Variants in HOXA10 observed in about 807,000 individuals in gnomAD.
HOXA10 encodes homeobox A10, also known as homeobox protein Hox-A10.
Under a neutral mutation model 29.7 loss-of-function variants are expected in HOXA10, and 12 were observed. The observed-to-expected ratio is 0.40, with a 90% CI of 0.26 to 0.65. The LOEUF (loss-of-function observed/expected upper bound fraction) is 0.65. Among genes scored for constraint, HOXA10 ranks in the 30% least tolerant of loss-of-function variants. The probability of loss-of-function intolerance (pLI) is 0.37; values close to 1 mark genes in which losing one functional copy is unlikely to be tolerated. For synonymous variants in HOXA10, 327 were observed against 280.7 expected, an observed-to-expected ratio of 1.16 and a Z score of -1.65; for missense variants, 656 against 585.9, an observed-to-expected ratio of 1.12 and a Z score of -1.24.
upstream of HOXA10, among the ~76,000 whole-genome samples, chr7:27,178,709 C>T (rs1396449157): frequency 6.6e-6 from 1 of 152,206 alleles, no homozygotes; most frequent in African/African-American, 2.4e-5. Flanking sequence ...ACGCAACAAA[C>T]AGGCAGTGCC....
At chr7:27,176,000 C>T (rs1783649511), upstream of HOXA10, among the ~76,000 whole-genome samples, 1 of 152,222 alleles carries the variant, frequency 6.6e-6, no homozygotes, top group African/African-American at 2.4e-5. Context: ...TCGCTGCGGG[C>T]AGTGGCTGCT....
At chr7:27,172,280 CAGAGA>C (rs1215159515) in intron 1 of HOXA10, 107 bp from the exon 2 acceptor site, 4 of 1,197,598 alleles carry the variant, frequency 3.3e-6, no homozygotes, top group African/African-American at 3.0e-5. Context: ...TCCCAAGTCA[CAGAGA>C]AGAGAGTCGT....
exon 1 of HOXA10, chr7:27,179,722 G>A: frequency 1.3e-6 from 1 of 758,392 alleles, no homozygotes; most frequent in Non-Finnish European, 2.5e-6. Flanking sequence ...CCTAGCGAAT[G>A]CGCGTTGCTT....
upstream of HOXA10, chr7:27,174,361 C>A (rs1180213906): frequency 3.2e-6 from 5 of 1,585,002 alleles, no homozygotes; most frequent in South Asian, 1.1e-5. Flanking sequence ...CCGCGGCGGG[C>A]GCCCGCAGCC....
upstream of HOXA10, among the ~76,000 whole-genome samples, chr7:27,178,105 C>A (rs534647665): frequency 2.6e-5 from 4 of 152,164 alleles, no homozygotes; most frequent in Non-Finnish European, 4.4e-5. Context: ...GTCCTGAGAT[C>A]GAAACTGCTA....
Position 27,174,216 on chromosome 7 carries a change from C to G in HOXA10, c.91G>C (p.Val31Leu). ...SESPAANSFL[V>L]DSLISSGRGE... ...CTGCCCGAGCTGATGAGCGAGTCGA[C>G]CAAAAAAGAGTTCGCGGCGGGGCTC... The change falls in exon 1 of 2, where the codon GTC becomes CTC. Residue 31 changes from valine to leucine, a missense_variant. Physicochemically the swap from Val to Leu is conservative, Grantham distance 32 (BLOSUM62 1). Transcript: ENST00000283921. The G allele has an allele frequency of 6.2e-7, 1 of 1,601,330 alleles. No individual in the cohort carries two copies. The highest frequency in any genetic ancestry group is 8.5e-7 in the Non-Finnish European group (1 of 1,179,814).
chr7:27,175,135 C>T (rs940800952), upstream of HOXA10: 1 of 152,180 alleles, frequency 6.6e-6, no homozygotes, highest in Non-Finnish European at 1.5e-5. Flanking sequence ...GAAAGACGGC[C>T]CCACTCCCAC....
In HOXA10 at chr7:27,170,874, G is replaced by A. The variant is rs1476278316; in HGVS notation, c.*1025C>T. ...ATGCATGTAACTTCACAGTATAAAG[G>A]AAATCCAAACAATGTCTCCCTTCTC... On this transcript the variant is annotated 3_prime_UTR_variant, in exon 2 of 2. Coordinates refer to ENST00000283921, the MANE Select transcript of HOXA10 (RefSeq NM_018951.4). 1 of 454,078 alleles carries A rather than the reference G, an allele frequency of 2.2e-6. No homozygotes were observed. Among genetic ancestry groups the A allele is most frequent in the African/African-American group, 2.0e-5 (1 of 49,904 alleles). The allele number at this position is 454,078 out of a possible 1,614,324, so 28.1% of individuals were successfully genotyped here.
chr7:27,176,921 A>G (rs1353954875), upstream of HOXA10, among the ~76,000 whole-genome samples: 1 of 152,258 alleles, frequency 6.6e-6, no homozygotes, highest in Non-Finnish European at 1.5e-5. Context: ...ATTTCGAAGG[A>G]GTTCACACAC....
In HOXA10 at chr7:27,174,007, G is replaced by T. The variant is rs1467764552; in HGVS notation, c.300C>A (p.Gly100=). 1.1e-5 allele frequency: 17 copies of T among 1,527,986 alleles called. No individual in the cohort carries two copies. The highest frequency in any genetic ancestry group is 1.4e-5 in the African/African-American group (1 of 71,170). 94.7% of individuals were successfully genotyped at this position (1,527,986 alleles called of 1,614,324 possible). The part of the protein sequence containing the change: ...EAASPGSGGG[G]GGLGPGAHGY... ...CGTGCGCCCCGGGACCTAGACCCCCGCCACCGCCACCGCTGCCCGGCGACG... is the reference window on the plus strand; with the variant it reads ...CGTGCGCCCCGGGACCTAGACCCCCTCCACCGCCACCGCTGCCCGGCGACG... The change falls in exon 1 of 2, where the codon GGC becomes GGA. Residue 100 remains glycine (G), a synonymous_variant. Transcript: ENST00000283921.
intron 1 of HOXA10, chr7:27,173,027 C>T (rs979913133): frequency 2.4e-5 from 9 of 381,886 alleles, no homozygotes; most frequent in African/African-American, 1.7e-4. Flanking sequence ...GCCGCGCAGG[C>T]TGGGCAGGGA....
rs984376484 is a variant in HOXA10 at position 27,171,399 on chromosome 7, A to C, written c.*500T>G. On this transcript the variant is annotated 3_prime_UTR_variant, in exon 2 of 2. Coordinates refer to ENST00000283921, the MANE Select transcript of HOXA10 (RefSeq NM_018951.4). ...AAAGGAAGAAAGAAAAAAGAAACCC[A>C]GGGGCCTGTATCCCCTGATTAAACA... 1 of 454,924 alleles carries C rather than the reference A, an allele frequency of 2.2e-6. No homozygotes were observed. The highest frequency in any genetic ancestry group is 2.0e-5 in the African/African-American group (1 of 50,058). 28.2% of individuals were successfully genotyped at this position (454,924 alleles called of 1,614,324 possible). A position where few individuals can be genotyped will look rare whatever the true frequency, so the allele number is the denominator to read the frequency against.
At chr7:27,176,544 G>A (rs575383570), upstream of HOXA10, among the ~76,000 whole-genome samples, 1 of 152,224 alleles carries the variant, frequency 6.6e-6, no homozygotes, top group Non-Finnish European at 1.5e-5. Context: ...GGCTGCCTAG[G>A]AAGGAAGCTT....
upstream of HOXA10, among the ~76,000 whole-genome samples, chr7:27,177,856 T>G (rs1411921416): frequency 6.6e-6 from 1 of 152,190 alleles, no homozygotes; most frequent in South Asian, 2.1e-4. Flanking sequence ...CCAGGCCTTA[T>G]GCAGCGGTTA....
At chr7:27,174,560 T>A, upstream of HOXA10, 1 of 586,982 alleles carries the variant, frequency 1.7e-6, no homozygotes, top group Non-Finnish European at 2.9e-6. Flanking sequence ...ACGTGGCTGG[T>A]GGGGGGCCTG....
upstream of HOXA10, among the ~76,000 whole-genome samples, chr7:27,176,077 C>T (rs1230450806): frequency 6.6e-6 from 1 of 152,198 alleles, no homozygotes; most frequent in African/African-American, 2.4e-5. Flanking sequence ...AACCTCGGCG[C>T]CCCACGGTGA....
chr7:27,171,909 T>A lies in HOXA10; in HGVS notation c.1223A>T (p.Asn408Ile), dbSNP rs1412718027. The A allele has an allele frequency of 1.2e-6, 2 of 1,613,946 alleles. No individual in the cohort carries two copies. The highest frequency in any genetic ancestry group is 1.7e-6 in the Non-Finnish European group (2 of 1,180,004). Reference protein sequence around the residue: ...NRIRELTANFNFS With the variant: ...NRIRELTANFIFS ...TCGCCTGGAGATTCATCAGGAAAAA[T>A]TAAAGTTGGCTGTGAGCTCCCGGAT... The change falls in exon 2 of 2, where the codon AAT (asparagine) becomes ATT (isoleucine). Residue 408 changes from asparagine (N) to isoleucine (I), a missense_variant. Transcript: ENST00000283921.
chr7:27,173,651 G>A lies in HOXA10; in HGVS notation c.656C>T (p.Ala219Val), dbSNP rs1279308372. The change falls in exon 1 of 2, where the codon GCC (alanine) becomes GTC (valine). Residue 219 changes from alanine (A) to valine (V), a missense_variant. Physicochemically the swap from Ala to Val is moderately conservative, Grantham distance 64. Coordinates refer to ENST00000283921, the MANE Select transcript of HOXA10 (RefSeq NM_018951.4). ...GCCATAGCCCTTGGCGGTGCCGTAG[G>A]CCTGAGAAAGGCGGAAGTAGCCAGG... is the stretch of plus-strand genomic sequence containing the variant. ...PVPGYFRLSQ[A>V]YGTAKGYGSG... is the part of the protein sequence containing the mutation. 2.6e-6 allele frequency: 4 copies of A among 1,547,570 alleles called. No homozygotes were observed. The East Asian group carries it at 9.8e-5, about 38-fold the overall frequency.
At position 27,171,094 on chromosome 7, in the gene HOXA10, A is replaced by T. The variant is rs1219812493; in HGVS notation, c.*805T>A. The stretch of plus-strand genomic sequence containing the variant: ...AAAAAAATCCACTAATTCCAAATGC[A>T]TAAACAAAACTACATTATTTATCTA... On this transcript the variant is annotated 3_prime_UTR_variant, in exon 2 of 2. Coordinates refer to ENST00000283921, the MANE Select transcript of HOXA10 (RefSeq NM_018951.4). 1.3e-5 allele frequency: 6 copies of T among 449,592 alleles called. No individual in the cohort carries two copies. Among genetic ancestry groups the T allele is most frequent in the Non-Finnish European group, 2.7e-5 (6 of 225,668 alleles). 27.9% of individuals were successfully genotyped at this position (449,592 alleles called of 1,614,324 possible). A position where few individuals can be genotyped will look rare whatever the true frequency, so the allele number is the denominator to read the frequency against.
Sources: allele counts gnomAD v4.1 joint callset (sites outside exome capture counted in the v4.1 genomes callset), GRCh38; gene constraint gnomAD v4.1.1; transcripts MANE v1.5; gene names NCBI Gene and HGNC (gene_info 2026-07-23, HGNC 2026-07-21).